Variants in CDK2AP2 observed in about 807,000 individuals in gnomAD.
CDK2AP2 encodes the protein cyclin dependent kinase 2 associated protein 2, also known as cyclin-dependent kinase 2-associated protein 2.
CDK2AP2 carries 1 observed loss-of-function variant against 13.0 expected under a neutral mutation model. The observed-to-expected ratio is 0.08, with a 90% CI of 0.03 to 0.37. CDK2AP2 has a LOEUF of 0.37. CDK2AP2 is among the 10% of genes least tolerant of loss of function. The pLI, the probability that CDK2AP2 is intolerant of heterozygous loss-of-function variation, is 0.99. For synonymous variants in CDK2AP2, 76 were observed against 73.0 expected, an observed-to-expected ratio of 1.04 and a Z score of -0.21; for missense variants, 129 against 175.8, an observed-to-expected ratio of 0.73 and a Z score of 1.50.
At chr11:67,507,820 G>T in intron 1 of CDK2AP2, 131 bp from the exon 2 acceptor site, 2 of 1,537,194 alleles carry the variant, frequency 1.3e-6, no homozygotes, top group South Asian at 1.2e-5. Context: ...CAACTTCAGG[G>T]ACAAATCCCT....
At chr11:67,507,171 G>T in intron 3 of CDK2AP2, 159 bp from the exon 4 acceptor site, 1 of 801,374 alleles carries the variant, frequency 1.2e-6, no homozygotes, top group Non-Finnish European at 2.0e-6. Context: ...CCTCAAGGTT[G>T]CCCTGTTGAA....
chr11:67,507,061 C>T, intron 3 of CDK2AP2, 49 bp from the exon 4 acceptor site: 1 of 1,368,682 alleles, frequency 7.3e-7, no homozygotes, highest in Non-Finnish European at 1.0e-6. Context: ...CCACCCACTG[C>T]CCTCCAGAGG....
chr11:67,506,721 C>A lies in CDK2AP2; in HGVS notation c.*224G>T, dbSNP rs138889613. 524 of 565,748 alleles carry A rather than the reference C, an allele frequency of 9.3e-4. 5 individuals are homozygous for A. The African/African-American group carries it at 9.5e-3, about 10-fold the overall frequency. The allele number at this position is 565,748 out of a possible 1,614,324, so 35.0% of individuals were successfully genotyped here. On this transcript the variant is annotated 3_prime_UTR_variant, in exon 4 of 4. Transcript: ENST00000301488. The stretch of plus-strand genomic sequence containing the variant: ...CCGGTGGGCAACACTGTCGGCAGGT[C>A]ATGGGTGGGACTCATGGGGACCTCG...
At chr11:67,507,793 C>T in intron 1 of CDK2AP2, 104 bp from the exon 2 acceptor site, 1 of 1,546,062 alleles carries the variant, frequency 6.5e-7, no homozygotes, top group South Asian at 1.2e-5. Flanking sequence ...CCAAAGGATG[C>T]TTCATTCCAT....
At chr11:67,507,902 G>T (rs759442871) in intron 1 of CDK2AP2, 99 bp downstream of exon 1, 2 of 1,545,460 alleles carry the variant, frequency 1.3e-6, no homozygotes, top group South Asian at 2.4e-5. Context: ...GAGGCTCAGC[G>T]AGGGTAGGCG....
Position 67,507,634 on chromosome 11 carries a change from C to A in CDK2AP2, c.138G>T (p.Pro46=), listed in dbSNP as rs202191773. Residue 46 remains proline, a synonymous_variant, in exon 2 of 4, where the codon CCG becomes CCT. Coordinates refer to ENST00000301488, the MANE Select transcript of CDK2AP2 (RefSeq NM_005851.5). ...SVPGAGAPFR[P]LFNDFGPPSM... is the part of the protein sequence containing the mutation. Reference sequence around the variant, plus strand: ...AAGGCGGTCCAAAGTCGTTAAACAGCGGTCTGAAAGGAGCGCCGGCTCCTG... The same window carrying A: ...AAGGCGGTCCAAAGTCGTTAAACAGAGGTCTGAAAGGAGCGCCGGCTCCTG... 24 of 1,613,380 alleles carry A rather than the reference C, an allele frequency of 1.5e-5. No homozygotes were observed. Among genetic ancestry groups the A allele is most frequent in the Non-Finnish European group, 2.0e-5 (24 of 1,180,034 alleles).
At chr11:67,507,902 G>A (rs759442871) in intron 1 of CDK2AP2, 99 bp downstream of exon 1, 10 of 1,545,342 alleles carry the variant, frequency 6.5e-6, no homozygotes, top group Non-Finnish European at 7.8e-6. Context: ...GAGGCTCAGC[G>A]AGGGTAGGCG....
rs956133037 is a variant in CDK2AP2 at position 67,506,640 on chromosome 11, C to T, written c.*305G>A. 13 of 454,350 alleles carry T rather than the reference C, an allele frequency of 2.9e-5. No individual in the cohort carries two copies. Among genetic ancestry groups the T allele is most frequent in the Middle Eastern group, 5.6e-4 (1 of 1,772 alleles). The allele number at this position is 454,350 out of a possible 1,614,324, so 28.1% of individuals were successfully genotyped here. On this transcript the variant is annotated 3_prime_UTR_variant, in exon 4 of 4. Coordinates refer to ENST00000301488, the MANE Select transcript of CDK2AP2 (RefSeq NM_005851.5). ...GCCCCTGCTGGGGGAGAAGGAGGCT[C>T]GGGACAAAGTGGGAGAAGTGCTGGG... is the stretch of plus-strand genomic sequence containing the variant.
At position 67,507,378 on chromosome 11, in the gene CDK2AP2, C is replaced by T; in HGVS notation, c.300G>A (p.Glu100=). Reference sequence around the variant, plus strand: ...GGCCTCACTTACCTCTCTTCAGGCGCTCCATGGCGCTCTTGCTGCCAGCAT... The same window carrying T: ...GGCCTCACTTACCTCTCTTCAGGCGTTCCATGGCGCTCTTGCTGCCAGCAT... ...PTYAGSKSAM[E]RLKRGIIHAR... is the part of the protein sequence containing the mutation. The change falls in exon 3 of 4, where the codon GAG becomes GAA. Residue 100 remains glutamate (E), a synonymous_variant. Coordinates refer to ENST00000301488, the MANE Select transcript of CDK2AP2 (RefSeq NM_005851.5). 6.2e-7 allele frequency: 1 copy of T among 1,612,638 alleles called. No homozygotes were observed. The highest frequency in any genetic ancestry group is 1.1e-5 in the South Asian group (1 of 91,034).
chr11:67,508,126 G>C lies in CDK2AP2; in HGVS notation c.-44C>G. On this transcript the variant is annotated 5_prime_UTR_variant, in exon 1 of 4. Transcript: ENST00000301488. ...GCGGACGCCAGCCGGCCGCTCCTCG[G>C]GGGTTGGCTGCGGGGCCGCTCAGCC... The C allele has an allele frequency of 6.9e-7, 1 of 1,441,722 alleles. No individual in the cohort carries two copies. The highest frequency in any genetic ancestry group is 9.1e-7 in the Non-Finnish European group (1 of 1,100,288). 89.3% of individuals were successfully genotyped at this position (1,441,722 alleles called of 1,614,324 possible).
chr11:67,506,868 C>T lies in CDK2AP2; in HGVS notation c.*77G>A, dbSNP rs1010333254. 8.7e-6 allele frequency: 11 copies of T among 1,263,872 alleles called. No individual in the cohort carries two copies. The African/African-American group carries it at 1.6e-4, about 19-fold the overall frequency. 78.3% of individuals were successfully genotyped at this position (1,263,872 alleles called of 1,614,324 possible). On this transcript the variant is annotated 3_prime_UTR_variant, in exon 4 of 4. Coordinates refer to ENST00000301488, the MANE Select transcript of CDK2AP2 (RefSeq NM_005851.5). Reference sequence around the variant, plus strand: ...GAAGCCCAGGATGGTTAGTGCAACTCGGGATGAAGGCCAGGGAGAAGCGGG... The same window carrying T: ...GAAGCCCAGGATGGTTAGTGCAACTTGGGATGAAGGCCAGGGAGAAGCGGG...
chr11:67,508,008 G>C lies in CDK2AP2; in HGVS notation c.75C>G (p.Val25=), dbSNP rs1237076823. The C allele has an allele frequency of 1.2e-5, 18 of 1,544,374 alleles. No individual in the cohort carries two copies. Among genetic ancestry groups the C allele is most frequent in the African/African-American group, 2.8e-5 (2 of 72,724 alleles). Residue 25 remains valine (V), a synonymous_variant, in exon 1 of 4, where the codon GTC becomes GTG. Coordinates refer to ENST00000301488, the MANE Select transcript of CDK2AP2 (RefSeq NM_005851.5). ...GTGGAGCTGGATCCTCACCTGTAGGGACCGGGGTGCCCGGCCCAGGGGTGC... is the reference window on the plus strand; with the variant it reads ...GTGGAGCTGGATCCTCACCTGTAGGCACCGGGGTGCCCGGCCCAGGGGTGC... The part of the protein sequence containing the change: ...GSSTPGPGTP[V]PTGSVPSPSG...
intron 1 of CDK2AP2, 61 bp from the exon 2 acceptor site, chr11:67,507,750 T>C: frequency 1.3e-6 from 2 of 1,593,218 alleles, no homozygotes; most frequent in South Asian, 1.1e-5. Context: ...TCCCAGCTTT[T>C]CCAAGCCCAG....
chr11:67,507,191 C>A, intron 3 of CDK2AP2, 174 bp downstream of exon 3: 2 of 843,216 alleles, frequency 2.4e-6, no homozygotes, highest in Non-Finnish European at 1.9e-6. Context: ...AATACAAATT[C>A]CCATGCTCTT....
Position 67,506,792 on chromosome 11 carries a change from G to A in CDK2AP2, c.*153C>T. 1.6e-6 allele frequency: 1 copy of A among 637,224 alleles called. No homozygotes were observed. Among genetic ancestry groups the A allele is most frequent in the Non-Finnish European group, 2.8e-6 (1 of 361,222 alleles). The allele number at this position is 637,224 out of a possible 1,614,324, so 39.5% of individuals were successfully genotyped here. Reference sequence around the variant, plus strand: ...GGGGTGTCCTTAGTGCTGCCACCTGGAGGGCCACTCCTTGGTTCCTGGAGG... The same window carrying A: ...GGGGTGTCCTTAGTGCTGCCACCTGAAGGGCCACTCCTTGGTTCCTGGAGG... On this transcript the variant is annotated 3_prime_UTR_variant, in exon 4 of 4. Transcript: ENST00000301488.
Position 67,506,770 on chromosome 11 carries a change from G to T in CDK2AP2, c.*175C>A, listed in dbSNP as rs1259373875. 1.5e-4 allele frequency: 92 copies of T among 597,396 alleles called. No homozygotes were observed. The highest frequency in any genetic ancestry group is 1.4e-4 in the East Asian group (5 of 34,550). The allele number at this position is 597,396 out of a possible 1,614,324, so 37.0% of individuals were successfully genotyped here. A position where few individuals can be genotyped will look rare whatever the true frequency, so the allele number is the denominator to read the frequency against. On this transcript the variant is annotated 3_prime_UTR_variant, in exon 4 of 4. Transcript: ENST00000301488. ...CGCTGCTAACTCTTGTTGTGGGGGG[G>T]TGTCCTTAGTGCTGCCACCTGGAGG... is the stretch of plus-strand genomic sequence containing the variant.
At chr11:67,507,921 A>C in intron 1 of CDK2AP2, 80 bp downstream of exon 1, 1 of 1,547,890 alleles carries the variant, frequency 6.5e-7, no homozygotes. Flanking sequence ...CGGCAGGCCC[A>C]GTATTGCAGA....
In CDK2AP2 at chr11:67,506,763, TG is replaced by T. The variant is rs984729318; in HGVS notation, c.*181del. 2.1e-5 allele frequency: 12 copies of T among 576,180 alleles called. No individual in the cohort carries two copies. Among genetic ancestry groups the T allele is most frequent in the South Asian group, 6.0e-5 (3 of 50,194 alleles). 35.7% of individuals were successfully genotyped at this position (576,180 alleles called of 1,614,324 possible). On this transcript the variant is annotated 3_prime_UTR_variant, in exon 4 of 4. Transcript: ENST00000301488. ...GGGACCTCGCTGCTAACTCTTGTTG[TG>T]GGGGGGTGTCCTTAGTGCTGCCACC... is the stretch of plus-strand genomic sequence containing the variant.
chr11:67,507,615 G>A lies in CDK2AP2; in HGVS notation c.157C>T (p.Pro53Ser). The stretch of plus-strand genomic sequence containing the variant: ...ACCTGCACGTAGCCCATGGAAGGCG[G>A]TCCAAAGTCGTTAAACAGCGGTCTG... ...PFRPLFNDFG[P>S]PSMGYVQAMK... The change falls in exon 2 of 4, where the codon CCG becomes TCG. Residue 53 changes from proline (P) to serine (S), a missense_variant. Physicochemically the swap from Pro to Ser is moderately conservative, Grantham distance 74 (BLOSUM62 -1). Around this residue, in one of 2 missense-constraint regions of CDK2AP2, gnomAD observed 98 missense variants for 99.7 expected, o/e 0.98. Transcript: ENST00000301488. The A allele has an allele frequency of 1.2e-6, 2 of 1,613,528 alleles. No homozygotes were observed. The highest frequency in any genetic ancestry group is 2.2e-5 in the East Asian group (1 of 44,884).
Sources: allele counts gnomAD v4.1 joint callset, GRCh38; gene constraint gnomAD v4.1.1; regional missense constraint gnomAD v4.1.1; transcripts MANE v1.5; gene names NCBI Gene and HGNC (gene_info 2026-07-23, HGNC 2026-07-21).